The following FBXO4 variants were observed in gnomAD, a reference collection of about 807,000 sequenced individuals.
The protein encoded by FBXO4 is F-box protein 4.
Under a neutral mutation model 43.7 loss-of-function variants are expected in FBXO4, and 36 were observed. The observed-to-expected ratio is 0.82, with a 90% confidence interval of 0.63 to 1.09. FBXO4 has a LOEUF of 1.09. Among genes scored for constraint, FBXO4 ranks in the 50% least tolerant of loss-of-function variants. FBXO4 has a pLI of 0.00. For synonymous variants in FBXO4, 180 were observed against 165.6 expected (o/e 1.09, Z -0.67); for missense variants, 435 against 474.1 (o/e 0.92, Z 0.77).
At chr5:41,961,587 T>C in the FBXO4 span, among the ~76,000 whole-genome samples, 4 of 152,254 alleles carry the variant, frequency 2.6e-5, no homozygotes, top group African/African-American at 9.6e-5. Flanking sequence ...AGCACAGGCT[T>C]ATGCAGAGTT....
chr5:42,003,138 T>C, the FBXO4 span, among the ~76,000 whole-genome samples: 2 of 152,202 alleles, frequency 1.3e-5, no homozygotes, highest in Non-Finnish European at 2.9e-5. Flanking sequence ...CAAAGTCTTT[T>C]CAAAGGAGAA....
the FBXO4 span, among the ~76,000 whole-genome samples, chr5:42,014,580 C>T: frequency 6.6e-6 from 1 of 152,158 alleles, no homozygotes; most frequent in Non-Finnish European, 1.5e-5. Context: ...GTTACTTACC[C>T]TCTTATTATC....
At chr5:41,933,191 T>C (rs568967073) in intron 3 of FBXO4, among the ~76,000 whole-genome samples, 121 of 152,316 alleles carry the variant, frequency 7.9e-4, no homozygotes, top group African/African-American at 2.9e-3. Flanking sequence ...TTTCTCAATT[T>C]ACTAATGTTC....
the FBXO4 span, among the ~76,000 whole-genome samples, chr5:41,947,580 G>C: frequency 6.6e-6 from 1 of 152,230 alleles, no homozygotes; most frequent in Non-Finnish European, 1.5e-5. Flanking sequence ...AGAAGGGAAA[G>C]ACTGGGGAGT....
the FBXO4 span, among the ~76,000 whole-genome samples, chr5:42,032,032 T>C: frequency 6.6e-6 from 1 of 150,672 alleles, no homozygotes; most frequent in Admixed American, 6.7e-5. Context: ...CTGTAGTCTC[T>C]CTCTCACTCT....
the FBXO4 span, among the ~76,000 whole-genome samples, chr5:42,009,809 C>A: frequency 6.6e-6 from 1 of 152,162 alleles, no homozygotes; most frequent in Non-Finnish European, 1.5e-5. Context: ...TCTAAGTGTG[C>A]AGATTAGTGG....
Position 41,925,453 on chromosome 5 carries a change from A to G in FBXO4, c.144A>G (p.Ser48=), listed in dbSNP as rs2112563596. The part of the protein sequence containing the change: ...VSKERVARTT[S]REEVDEAAST... ...AGGAGAGGGTGGCGCGTACGACCTC[A>G]CGGGAGGAGGTGGATGAGGCGGCCA... The change falls in exon 1 of 7, where the codon TCA becomes TCG. Residue 48 remains serine, a synonymous_variant. Transcript: ENST00000281623. 7.4e-7 allele frequency: 1 copy of G among 1,348,340 alleles called. No individual in the cohort carries two copies. The highest frequency in any genetic ancestry group is 9.6e-7 in the Non-Finnish European group (1 of 1,043,042). The allele number at this position is 1,348,340 out of a possible 1,614,324, so 83.5% of individuals were successfully genotyped here. A position where few individuals can be genotyped will look rare whatever the true frequency, so the allele number is the denominator to read the frequency against.
the FBXO4 span, among the ~76,000 whole-genome samples, chr5:42,015,329 A>G: frequency 2.0e-5 from 3 of 152,206 alleles, no homozygotes; most frequent in Non-Finnish European, 2.9e-5. Flanking sequence ...ACACATTTCT[A>G]TTACTTTTCC....
chr5:42,023,187 A>T, the FBXO4 span, among the ~76,000 whole-genome samples: 1 of 152,120 alleles, frequency 6.6e-6, no homozygotes, highest in Non-Finnish European at 1.5e-5. Flanking sequence ...GACATTATTT[A>T]AAAAATTGTT....
At chr5:41,964,809 A>G in the FBXO4 span, among the ~76,000 whole-genome samples, 1 of 152,018 alleles carries the variant, frequency 6.6e-6, no homozygotes, top group African/African-American at 2.4e-5. Context: ...GTAGATTGCA[A>G]AAATTTTCTC....
chr5:42,004,218 T>C, the FBXO4 span, among the ~76,000 whole-genome samples: 2 of 152,226 alleles, frequency 1.3e-5, no homozygotes, highest in Non-Finnish European at 2.9e-5. Flanking sequence ...ATACACATAC[T>C]TCTGCATTTG....
At chr5:41,966,809 G>A in the FBXO4 span, among the ~76,000 whole-genome samples, 4 of 152,120 alleles carry the variant, frequency 2.6e-5, no homozygotes, top group Non-Finnish European at 4.4e-5. Flanking sequence ...TAGCACTAGA[G>A]AAGTGCAATC....
At chr5:42,023,179 C>T in the FBXO4 span, among the ~76,000 whole-genome samples, 2 of 151,978 alleles carry the variant, frequency 1.3e-5, no homozygotes, top group Admixed American at 1.3e-4. Context: ...AAATTCCAGA[C>T]ATTATTTAAA....
At chr5:42,018,710 T>C in the FBXO4 span, among the ~76,000 whole-genome samples, 2 of 152,208 alleles carry the variant, frequency 1.3e-5, no homozygotes, top group Admixed American at 1.3e-4. Context: ...ATTTACCTTT[T>C]TCCCCCAAAA....
the FBXO4 span, among the ~76,000 whole-genome samples, chr5:41,949,196 A>G: frequency 1.3e-5 from 2 of 152,198 alleles, no homozygotes; most frequent in Non-Finnish European, 2.9e-5. Context: ...TCAACATAGT[A>G]ATGGAAGTTC....
chr5:42,008,030 A>G, the FBXO4 span, among the ~76,000 whole-genome samples: 1 of 152,166 alleles, frequency 6.6e-6, no homozygotes, highest in South Asian at 2.1e-4. Context: ...CTCAGGAAGA[A>G]TCACATGAAG....
the FBXO4 span, among the ~76,000 whole-genome samples, chr5:41,990,143 T>A: frequency 6.6e-6 from 1 of 152,222 alleles, no homozygotes; most frequent in Non-Finnish European, 1.5e-5. Context: ...AGTTTCCGAT[T>A]TCAATGAATC....
the FBXO4 span, among the ~76,000 whole-genome samples, chr5:42,026,583 A>G: frequency 5.9e-3 from 895 of 151,914 alleles, 11 homozygotes; most frequent in African/African-American, 0.021. Context: ...TCTAGCTAGG[A>G]CTTCCTGTAC....
intron 6 of FBXO4, among the ~76,000 whole-genome samples, chr5:41,939,834 ATTTTTTTTTTTT>A (rs60238550): frequency 3.8e-5 from 3 of 79,306 alleles, no homozygotes; most frequent in South Asian, 4.4e-4. Context: ...ACAATTGGGG[ATTTTTTTTTTTT>A]TTTTTTTTTT....
Sources: gnomAD v4.1 joint callset for allele counts (sites outside exome capture counted in the v4.1 genomes callset) on GRCh38, gnomAD v4.1.1 for gene constraint, MANE v1.5 for transcripts, NCBI Gene and HGNC (gene_info 2026-07-23, HGNC 2026-07-21) for gene names.